The following FBXO31 variants were observed in gnomAD, a reference collection of about 807,000 sequenced individuals.
FBXO31 encodes F-box only protein 31.
Under a neutral mutation model 54.4 loss-of-function variants are expected in FBXO31, and 24 were observed. The observed-to-expected ratio is 0.44, with a 90% CI of 0.32 to 0.62. The LOEUF (loss-of-function observed/expected upper bound fraction) is 0.62, where lower values mean the gene tolerates loss of function less well. Ranked by LOEUF, FBXO31 falls within the 20% of genes least tolerant of loss-of-function variation. The pLI is 0.05. For synonymous variants in FBXO31, 388 were observed against 335.6 expected (o/e 1.16, Z -1.71); for missense variants, 665 against 787.1 (o/e 0.84, Z 1.86).
upstream of FBXO31, among the ~76,000 whole-genome samples, chr16:87,385,595 C>T (rs1246314653): frequency 6.6e-6 from 1 of 152,146 alleles, no homozygotes; most frequent in Admixed American, 6.5e-5. Context: ...CTAACAAGAT[C>T]TTATAGCAGA....
At chr16:87,344,360 G>A (rs114993071) in intron 3 of FBXO31, among the ~76,000 whole-genome samples, 3,312 of 152,354 alleles carry the variant, frequency 0.022, 64 homozygotes, top group African/African-American at 0.052. Context: ...CGAGGAGTGC[G>A]TTGCCCGTGC....
At chr16:87,357,561 C>G (rs1408864836) in intron 2 of FBXO31, among the ~76,000 whole-genome samples, 1 of 152,128 alleles carries the variant, frequency 6.6e-6, no homozygotes, top group Non-Finnish European at 1.5e-5. Flanking sequence ...CTCCTGACCT[C>G]AGATGATCCA....
chr16:87,390,930 G>C (rs1412247235), upstream of FBXO31, among the ~76,000 whole-genome samples: 1 of 152,184 alleles, frequency 6.6e-6, no homozygotes, highest in Admixed American at 6.5e-5. Context: ...CAAGCTTACA[G>C]TGTAGAGTGT....
chr16:87,354,044 C>A (rs1381430067), intron 2 of FBXO31, among the ~76,000 whole-genome samples: 1 of 152,228 alleles, frequency 6.6e-6, no homozygotes, highest in Non-Finnish European at 1.5e-5. Flanking sequence ...GCGTTCACCT[C>A]CAGTTTCAGA....
At chr16:87,348,143 C>T (rs952116160) in intron 2 of FBXO31, among the ~76,000 whole-genome samples, 4 of 152,144 alleles carry the variant, frequency 2.6e-5, no homozygotes, top group South Asian at 2.1e-4. Flanking sequence ...ACCCCCAGCC[C>T]ACCCACTGCC....
chr16:87,332,901 GCGGA>G (rs2150667452), intron 8 of FBXO31, among the ~76,000 whole-genome samples: 1 of 152,332 alleles, frequency 6.6e-6, no homozygotes, highest in South Asian at 2.1e-4. Flanking sequence ...AGACTGACAG[GCGGA>G]CCCTCAAAAC....
In FBXO31 at chr16:87,336,304, G is replaced by A. The variant is rs751478793; in HGVS notation, c.733-40C>T. On this transcript the variant is annotated intron_variant, in intron 5 of 8. Coordinates refer to ENST00000311635, the MANE Select transcript of FBXO31 (RefSeq NM_024735.5). The surrounding 1 kb of genome is among the most constrained non-coding windows in gnomAD (Gnocchi z 6.5). ...CAGGTCATGAATATCCATATGACAG[G>A]AGGCTGTGAAGAGGCTGCCGGCTGT... is the stretch of plus-strand genomic sequence containing the variant. The A allele has an allele frequency of 6.3e-6, 10 of 1,592,156 alleles. 1 individual carries two copies. The South Asian group carries it at 9.9e-5, about 16-fold the overall frequency.
chr16:87,364,359 T>C (rs1486242255), intron 1 of FBXO31, among the ~76,000 whole-genome samples: 6 of 152,218 alleles, frequency 3.9e-5, no homozygotes, highest in Non-Finnish European at 7.3e-5. Context: ...CAGGGCACTC[T>C]AGTGAGCGCT....
intron 1 of FBXO31, among the ~76,000 whole-genome samples, chr16:87,366,301 A>G (rs571060498): frequency 6.6e-6 from 1 of 152,344 alleles, no homozygotes; most frequent in East Asian, 1.9e-4. Context: ...AAATCAGAGC[A>G]TATGGGAACT....
At position 87,347,663 on chromosome 16, in the gene FBXO31, G is replaced by A. The variant is rs750542849; in HGVS notation, c.413-413C>T. Reference sequence around the variant, plus strand: ...CAACTGCACTCCAGCCCGGGCGACAGAGGGAAACTCAGTCTCCAAAAAAAA... The same window carrying A: ...CAACTGCACTCCAGCCCGGGCGACAAAGGGAAACTCAGTCTCCAAAAAAAA... On this transcript the variant is annotated intron_variant, in intron 2 of 8. Coordinates refer to ENST00000311635, the MANE Select transcript of FBXO31 (RefSeq NM_024735.5). Among the ~76,000 whole-genome samples, 191 of 136,574 alleles carry A rather than the reference G, an allele frequency of 1.4e-3. 2 individuals are homozygous for A. The highest frequency in any genetic ancestry group is 4.5e-3 in the Middle Eastern group (1 of 224). 89.6% of individuals were successfully genotyped at this position (136,574 alleles called of 152,430 possible).
At chr16:87,384,836 G>A (rs1907269703), upstream of FBXO31, among the ~76,000 whole-genome samples, 1 of 152,154 alleles carries the variant, frequency 6.6e-6, no homozygotes, top group Non-Finnish European at 1.5e-5. Flanking sequence ...CTTCAGCCTG[G>A]GCAACACAGC....
intron 3 of FBXO31, among the ~76,000 whole-genome samples, chr16:87,344,777 C>T (rs1036570267): frequency 1.3e-5 from 2 of 152,220 alleles, no homozygotes; most frequent in Admixed American, 1.3e-4. Context: ...AAAAGCAAGG[C>T]TGGAGCACGC....
At chr16:87,373,944 A>G (rs1906710943) in intron 1 of FBXO31, among the ~76,000 whole-genome samples, 1 of 152,142 alleles carries the variant, frequency 6.6e-6, no homozygotes, top group African/African-American at 2.4e-5. Flanking sequence ...ATTCCAATAA[A>G]CCCACTGTAA....
At chr16:87,351,831 T>C (rs576734775) in intron 2 of FBXO31, among the ~76,000 whole-genome samples, 2 of 152,274 alleles carry the variant, frequency 1.3e-5, no homozygotes, top group African/African-American at 4.8e-5. Context: ...ATCATGCCAC[T>C]GCACTCCAGC....
At chr16:87,376,077 T>A (rs528260568) in intron 1 of FBXO31, among the ~76,000 whole-genome samples, 2 of 152,054 alleles carry the variant, frequency 1.3e-5, no homozygotes, top group Non-Finnish European at 2.9e-5. Context: ...TGCCAGTGTA[T>A]TCCCCCTGCC....
At chr16:87,337,028 C>A (rs1442056169) in intron 5 of FBXO31, among the ~76,000 whole-genome samples, 1 of 152,232 alleles carries the variant, frequency 6.6e-6, no homozygotes, top group Non-Finnish European at 1.5e-5. Context: ...GATGGTCAAT[C>A]GCTTTCATAC....
intron 1 of FBXO31, among the ~76,000 whole-genome samples, chr16:87,382,574 C>G (rs981862467): frequency 1.3e-5 from 2 of 152,194 alleles, no homozygotes; most frequent in Non-Finnish European, 2.9e-5. Flanking sequence ...CCATCCGTCT[C>G]TCTACGCCCC....
chr16:87,354,924 G>A (rs914383613), intron 2 of FBXO31, among the ~76,000 whole-genome samples: 4 of 152,148 alleles, frequency 2.6e-5, no homozygotes, highest in East Asian at 1.9e-4. Context: ...CCAAGATCGC[G>A]CCACTGCACT....
At chr16:87,340,585 T>C (rs12923055) in intron 5 of FBXO31, among the ~76,000 whole-genome samples, 3,408 of 152,330 alleles carry the variant, frequency 0.022, 63 homozygotes, top group African/African-American at 0.052. Flanking sequence ...TGTAAACATA[T>C]GTGCTTCAGG....
Sources: allele counts gnomAD v4.1 joint callset (sites outside exome capture counted in the v4.1 genomes callset), GRCh38; gene constraint gnomAD v4.1.1; non-coding constraint Gnocchi (gnomAD v3.1); transcripts MANE v1.5; gene names NCBI Gene and HGNC (gene_info 2026-07-23, HGNC 2026-07-21).